NXPE2: variants seen among roughly 807,000 people sequenced by gnomAD.
NXPE2 encodes neurexophilin and PC-esterase domain family member 2, also known as NXPE family member 2.
Under a neutral mutation model 34.4 loss-of-function variants are expected in NXPE2, and 34 were observed. The ratio of observed to expected loss-of-function variants is 0.99; its 90% CI spans 0.75 to 1.31. NXPE2 has a LOEUF of 1.31. Ranked by LOEUF, NXPE2 falls within the 40% of genes most tolerant of loss-of-function variation. The pLI is 0.00. For synonymous variants in NXPE2, 235 were observed against 231.3 expected, an observed-to-expected ratio of 1.02 and a Z score of -0.15; for missense variants, 649 against 672.5, an observed-to-expected ratio of 0.97 and a Z score of 0.39.
chr11:114,707,313 C>T (rs1172039691), downstream of NXPE2: 7 of 301,986 alleles, frequency 2.3e-5, no homozygotes, highest in Non-Finnish European at 3.9e-5. Context: ...CCAGGCTGGT[C>T]TCGAACTCCT....
At chr11:114,538,098 A>C in the NXPE2 span, among the ~76,000 whole-genome samples, 1 of 152,230 alleles carries the variant, frequency 6.6e-6, no homozygotes, top group Non-Finnish European at 1.5e-5. Flanking sequence ...CCAATGGAAC[A>C]GAACAGAGCC....
At chr11:114,484,893 A>G in the NXPE2 span, among the ~76,000 whole-genome samples, 13 of 152,346 alleles carry the variant, frequency 8.5e-5, no homozygotes, top group Admixed American at 6.5e-4. Context: ...GTCACTGTTA[A>G]TAGTATTTCC....
At chr11:114,749,217 G>T in the NXPE2 span, among the ~76,000 whole-genome samples, 1 of 152,164 alleles carries the variant, frequency 6.6e-6, no homozygotes, top group African/African-American at 2.4e-5. Context: ...TCAGGGGAGA[G>T]TTAGGGAATA....
chr11:114,563,713 T>C, the NXPE2 span, among the ~76,000 whole-genome samples: 2 of 152,132 alleles, frequency 1.3e-5, no homozygotes, highest in Admixed American at 6.6e-5. Context: ...AACAAACATA[T>C]TGAAAAATGC....
chr11:114,512,061 C>T, the NXPE2 span, among the ~76,000 whole-genome samples: 2 of 152,042 alleles, frequency 1.3e-5, no homozygotes, highest in African/African-American at 4.8e-5. Context: ...GTGGTTCCAT[C>T]TGGGGGAGGG....
At chr11:114,802,466 TG>T in the NXPE2 span, among the ~76,000 whole-genome samples, 4 of 152,314 alleles carry the variant, frequency 2.6e-5, no homozygotes, top group African/African-American at 7.2e-5. Flanking sequence ...AGCCCATCCT[TG>T]GAACCAGTCA....
the NXPE2 span, among the ~76,000 whole-genome samples, chr11:114,720,716 AAT>A: frequency 6.6e-6 from 1 of 152,340 alleles, no homozygotes; most frequent in Non-Finnish European, 1.5e-5. Flanking sequence ...ATTAAGTTAA[AAT>A]ATGTTATCAA....
chr11:114,623,457 C>T, the NXPE2 span, among the ~76,000 whole-genome samples: 22 of 151,820 alleles, frequency 1.4e-4, no homozygotes, highest in East Asian at 5.8e-4. Context: ...CACTGTTATC[C>T]GGTGCATAAT....
At chr11:114,713,720 G>T in the NXPE2 span, among the ~76,000 whole-genome samples, 5 of 152,170 alleles carry the variant, frequency 3.3e-5, no homozygotes, top group African/African-American at 1.2e-4. Context: ...CTGAATCAAC[G>T]TTAGGAGGCA....
chr11:114,666,029 A>G, the NXPE2 span, among the ~76,000 whole-genome samples: 2 of 152,208 alleles, frequency 1.3e-5, no homozygotes, highest in African/African-American at 2.4e-5. Flanking sequence ...CTTCCACACT[A>G]TCCTGCATCT....
intron 3 of NXPE2, among the ~76,000 whole-genome samples, chr11:114,703,699 T>TA (rs1555079971): frequency 2.7e-4 from 5 of 18,186 alleles, no homozygotes; most frequent in South Asian, 2.0e-3. Flanking sequence ...GATAGATAGA[T>TA]GATAGATAGA....
At chr11:114,756,727 A>G in the NXPE2 span, among the ~76,000 whole-genome samples, 2 of 152,234 alleles carry the variant, frequency 1.3e-5, no homozygotes, top group Non-Finnish European at 2.9e-5. Context: ...AAGTAATAAT[A>G]GGTAGATTAC....
chr11:114,523,205 C>CT, the NXPE2 span: 232 of 706,516 alleles, frequency 3.3e-4, 1 homozygote, highest in African/African-American at 3.7e-3. Flanking sequence ...TGCCTATTTC[C>CT]TTTTTCTGTC....
chr11:114,614,459 G>A, the NXPE2 span, among the ~76,000 whole-genome samples: 21 of 151,782 alleles, frequency 1.4e-4, no homozygotes, highest in Non-Finnish European at 2.4e-4. Flanking sequence ...ACTGTTACCC[G>A]CTGGATGACA....
chr11:114,642,996 A>T, the NXPE2 span, among the ~76,000 whole-genome samples: 2 of 152,094 alleles, frequency 1.3e-5, no homozygotes, highest in Non-Finnish European at 2.9e-5. Flanking sequence ...TTTGATTTGC[A>T]TTTCTCTAAT....
the NXPE2 span, among the ~76,000 whole-genome samples, chr11:114,598,434 C>G: frequency 6.6e-6 from 1 of 152,312 alleles, no homozygotes; most frequent in Non-Finnish European, 1.5e-5. Context: ...GGGCTCCAGC[C>G]CCACATTGTC....
the NXPE2 span, among the ~76,000 whole-genome samples, chr11:114,589,371 G>C: frequency 1.3e-5 from 2 of 152,144 alleles, no homozygotes; most frequent in Non-Finnish European, 2.9e-5. Flanking sequence ...CTGGACACCA[G>C]AGCCAGCCTC....
chr11:114,690,902 CTA>C (rs1230014217), intron 2 of NXPE2, among the ~76,000 whole-genome samples: 2 of 151,600 alleles, frequency 1.3e-5, no homozygotes, highest in Non-Finnish European at 2.9e-5. Flanking sequence ...TTTAAAATTC[CTA>C]TAGTCAATTT....
At chr11:114,725,384 TG>T in the NXPE2 span, among the ~76,000 whole-genome samples, 1 of 152,066 alleles carries the variant, frequency 6.6e-6, no homozygotes, top group East Asian at 1.9e-4. Context: ...TTTCCCTGTG[TG>T]GTTGTTTATT....
Sources: allele counts gnomAD v4.1 joint callset (sites outside exome capture counted in the v4.1 genomes callset), GRCh38; gene constraint gnomAD v4.1.1; transcripts MANE v1.5; gene names NCBI Gene and HGNC (gene_info 2026-07-23, HGNC 2026-07-21).